Variants in HELB observed in about 807,000 individuals in gnomAD.
HELB encodes the protein DNA helicase B.
HELB carries 96 observed loss-of-function variants against 101.7 expected under a neutral mutation model. That is an observed-to-expected ratio of 0.94 (90% CI 0.80 to 1.12). The LOEUF (loss-of-function observed/expected upper bound fraction) is 1.12. Among genes scored for constraint, HELB ranks in the 50% most tolerant of loss-of-function variants. The pLI is 0.00. For synonymous variants in HELB, 437 were observed against 459.7 expected, an observed-to-expected ratio of 0.95 and a Z score of 0.63; for missense variants, 1,210 against 1,291.9, an observed-to-expected ratio of 0.94 and a Z score of 0.97.
intron 12 of HELB, among the ~76,000 whole-genome samples, chr12:66,337,418 C>T (rs147100152): frequency 8.6e-5 from 13 of 151,972 alleles, no homozygotes; most frequent in Admixed American, 8.5e-4. Context: ...AAAGAAAGAC[C>T]CTTTTCCTAA....
rs770579071 is a variant in HELB at position 66,338,012 on chromosome 12, T to C, written c.3174T>C (p.Ser1058=). 2 of 1,588,352 alleles carry C rather than the reference T, an allele frequency of 1.3e-6. No individual in the cohort carries two copies. Among genetic ancestry groups the C allele is most frequent in the African/African-American group, 2.7e-5 (2 of 74,406 alleles). The change falls in exon 13 of 13, where the codon TCT becomes TCC. Residue 1058 remains serine (S), a synonymous_variant. Transcript: ENST00000247815. ...SPSKIFMVGE[S]PQVSSRLQNL... The stretch of plus-strand genomic sequence containing the variant: ...AATTGTTCTAACAGGTGGGAGAATC[T>C]CCACAAGTGTCTTCCAGACTTCAGA...
In HELB at chr12:66,309,964, TA is replaced by T. The variant is rs1320500660; in HGVS notation, c.1037del (p.Tyr346LeufsTer25). ...TTTGAAGGATATTGGTGTGGTGACATATGAGAAGTCCTGTGTCTTCCCTTAT... is the reference window on the plus strand; with the variant it reads ...TTTGAAGGATATTGGTGTGGTGACATTGAGAAGTCCTGTGTCTTCCCTTAT... ...KFLKDIGVVT[Y>X]EKSCVFPYDL... On this transcript the variant is annotated frameshift_variant, in exon 4 of 13. Coordinates refer to ENST00000247815, the MANE Select transcript of HELB (RefSeq NM_001370285.1). LOFTEE classifies it high-confidence loss of function. 2 of 1,614,112 alleles carry T rather than the reference TA, an allele frequency of 1.2e-6. No individual in the cohort carries two copies. The highest frequency in any genetic ancestry group is 1.7e-6 in the Non-Finnish European group (2 of 1,180,038).
Position 66,302,735 on chromosome 12 carries a change from C to G in HELB, c.132C>G (p.Ala44=), listed in dbSNP as rs780227603. The change falls in exon 1 of 13, where the codon GCC becomes GCG. Residue 44 remains alanine (A), a synonymous_variant. Coordinates refer to ENST00000247815, the MANE Select transcript of HELB (RefSeq NM_001370285.1). ...EEDEESVFID[A]EELCSGGVKA... Reference sequence around the variant, plus strand: ...ATGAAGAGTCCGTGTTCATCGACGCCGAGGAGCTCTGCAGTGGGGGCGTAA... The same window carrying G: ...ATGAAGAGTCCGTGTTCATCGACGCGGAGGAGCTCTGCAGTGGGGGCGTAA... 3.1e-6 allele frequency: 5 copies of G among 1,613,984 alleles called. No individual in the cohort carries two copies. Among genetic ancestry groups the G allele is most frequent in the Non-Finnish European group, 3.4e-6 (4 of 1,179,918 alleles).
intron 1 of HELB, among the ~76,000 whole-genome samples, chr12:66,303,474 A>C (rs535643086): frequency 2.6e-4 from 39 of 151,818 alleles, no homozygotes; most frequent in African/African-American, 7.5e-4. Flanking sequence ...ACAACAACAA[A>C]ACTACAAAAT....
rs1431196712 is a variant in HELB, at chr12:66,331,217, G to C, written c.2734G>C (p.Val912Leu). Residue 912 changes from valine to leucine, a missense_variant, in exon 12 of 13, where the codon GTC (valine) becomes CTC (leucine). By Grantham distance (32) the Val-to-Leu change is conservative (BLOSUM62 1). This residue lies in a region of HELB where 740 missense variants were observed against 728.8 expected (regional missense o/e 1.02). Coordinates refer to ENST00000247815, the MANE Select transcript of HELB (RefSeq NM_001370285.1). ...GKAGRQHWQH[V>L]YTAVTRGRCR... Reference sequence around the variant, plus strand: ...GGCGGGCCGCCAGCACTGGCAGCATGTCTACACCGCCGTGACCAGGGGCCG... The same window carrying C: ...GGCGGGCCGCCAGCACTGGCAGCATCTCTACACCGCCGTGACCAGGGGCCG... 2 of 1,613,954 alleles carry C rather than the reference G, an allele frequency of 1.2e-6. No homozygotes were observed. Among genetic ancestry groups the C allele is most frequent in the Admixed American group, 3.3e-5 (2 of 59,998 alleles).
At chr12:66,306,573 G>T in intron 3 of HELB, 59 bp downstream of exon 3, 1 of 1,305,276 alleles carries the variant, frequency 7.7e-7, no homozygotes, top group Non-Finnish European at 1.0e-6. Flanking sequence ...TTTCAGATTT[G>T]GCAATTTTCC....
intron 6 of HELB, among the ~76,000 whole-genome samples, chr12:66,315,784 G>A (rs1373615668): frequency 6.6e-6 from 1 of 152,056 alleles, no homozygotes; most frequent in Non-Finnish European, 1.5e-5. Context: ...ATTGAATGTG[G>A]TATTTCACTC....
At position 66,302,514 on chromosome 12, in the gene HELB, G is replaced by A; in HGVS notation, c.-90G>A. On this transcript the variant is annotated 5_prime_UTR_variant, in exon 1 of 13. An upstream start codon of the reference 5' UTR is lost. Coordinates refer to ENST00000247815, the MANE Select transcript of HELB (RefSeq NM_001370285.1). ...CGCCAGGCCGTTCCCGGAAGTTGAT[G>A]GCCTTACAGTCGTAGAACTGATTGG... 1 of 1,189,186 alleles carries A rather than the reference G, an allele frequency of 8.4e-7. No individual in the cohort carries two copies. Among genetic ancestry groups the A allele is most frequent in the Non-Finnish European group, 1.2e-6 (1 of 859,122 alleles). 73.7% of individuals were successfully genotyped at this position (1,189,186 alleles called of 1,614,324 possible).
At chr12:66,342,063 T>G (rs940778823), downstream of HELB, 4 of 152,208 alleles carry the variant, frequency 2.6e-5, no homozygotes, top group African/African-American at 9.6e-5. Flanking sequence ...TGGTGTTATA[T>G]CCAAGAAACT....
At position 66,305,104 on chromosome 12, in the gene HELB, A is replaced by G. The variant is rs1347720163; in HGVS notation, c.561A>G (p.Glu187=). 6.3e-7 allele frequency: 1 copy of G among 1,591,636 alleles called. No individual in the cohort carries two copies. Among genetic ancestry groups the G allele is most frequent in the African/African-American group, 1.4e-5 (1 of 73,200 alleles). Residue 187 remains glutamate, a synonymous_variant, in exon 2 of 13, where the codon GAA becomes GAG. Transcript: ENST00000247815. The part of the protein sequence containing the change: ...DQKQPTQNGQ[E]ELFLDNEMSL... Reference sequence around the variant, plus strand: ...AGCAGCCTACACAGAATGGTCAGGAAGAGTTGTTCCTAGACAATGAGATGA... The same window carrying G: ...AGCAGCCTACACAGAATGGTCAGGAGGAGTTGTTCCTAGACAATGAGATGA...
Position 66,310,658 on chromosome 12 carries a change from A to G in HELB, c.1680+50A>G, listed in dbSNP as rs778948204. 4 of 1,523,066 alleles carry G rather than the reference A, an allele frequency of 2.6e-6. No individual in the cohort carries two copies. The African/African-American group carries it at 4.2e-5, about 16-fold the overall frequency. The allele number at this position is 1,523,066 out of a possible 1,614,324, so 94.3% of individuals were successfully genotyped here. On this transcript the variant is annotated intron_variant, in intron 4 of 12. Coordinates refer to ENST00000247815, the MANE Select transcript of HELB (RefSeq NM_001370285.1). ...TAGATAAAACATTTGTCGGCCGGGCACAGTGGCTCACGCCTGTAATCCCAG... is the reference window on the plus strand; with the variant it reads ...TAGATAAAACATTTGTCGGCCGGGCGCAGTGGCTCACGCCTGTAATCCCAG...
intron 1 of HELB, among the ~76,000 whole-genome samples, chr12:66,303,086 C>CTT (rs74262414): frequency 4.0e-5 from 5 of 125,606 alleles, no homozygotes; most frequent in East Asian, 4.3e-4. Context: ...GCGGGTTGCC[C>CTT]TTTTTTTTTT....
intron 11 of HELB, among the ~76,000 whole-genome samples, chr12:66,326,686 T>C (rs2053741812): frequency 6.6e-6 from 1 of 151,578 alleles, no homozygotes. Context: ...CCAAAAAGAA[T>C]TTGAAATGGC....
intron 3 of HELB, among the ~76,000 whole-genome samples, chr12:66,308,616 T>G (rs2053505678): frequency 6.6e-6 from 1 of 152,208 alleles, no homozygotes; most frequent in Admixed American, 6.5e-5. Context: ...GGTTGATTTC[T>G]TCCAAGGCTT....
chr12:66,338,897 C>T (rs2053896132), downstream of HELB: 1 of 152,318 alleles, frequency 6.6e-6, no homozygotes, highest in Non-Finnish European at 1.5e-5. Context: ...CCCAGCCTAC[C>T]TGGGACTTTT....
At chr12:66,317,615 T>C (rs1049745558) in intron 6 of HELB, among the ~76,000 whole-genome samples, 3 of 152,222 alleles carry the variant, frequency 2.0e-5, no homozygotes, top group African/African-American at 4.8e-5. Flanking sequence ...TAGTAACTTT[T>C]TCAATATCAT....
rs766126300 is a variant in HELB at position 66,322,795 on chromosome 12, C to T, written c.2297+12C>T. The T allele has an allele frequency of 3.0e-5, 48 of 1,578,528 alleles. No individual in the cohort carries two copies. Among genetic ancestry groups the T allele is most frequent in the South Asian group, 8.0e-5 (7 of 87,542 alleles). On this transcript the variant is annotated intron_variant, in intron 9 of 12. Transcript: ENST00000247815. The stretch of plus-strand genomic sequence containing the variant: ...GGCCACCTCACCAAGTGAGTGTCTT[C>T]GAGAACTGAAACTTTTAAGGACAGT...
chr12:66,339,775 C>A (rs2053903322), downstream of HELB: 1 of 152,064 alleles, frequency 6.6e-6, no homozygotes, highest in South Asian at 2.1e-4. Flanking sequence ...AAAAGAGAAA[C>A]CTCACACTCC....
chr12:66,337,322 T>C (rs1308153473), intron 12 of HELB, among the ~76,000 whole-genome samples: 1 of 152,138 alleles, frequency 6.6e-6, no homozygotes, highest in East Asian at 1.9e-4. Flanking sequence ...CTCAGGAAAA[T>C]ATCTTTTTCT....
Sources: allele counts gnomAD v4.1 joint callset (sites outside exome capture counted in the v4.1 genomes callset), GRCh38; gene constraint gnomAD v4.1.1; regional missense constraint gnomAD v4.1.1; transcripts MANE v1.5; gene names NCBI Gene and HGNC (gene_info 2026-07-23, HGNC 2026-07-21).